HHAT: variants seen among roughly 807,000 people sequenced by gnomAD.
The protein encoded by HHAT is protein-cysteine N-palmitoyltransferase HHAT.
A neutral mutation model predicts 70.8 loss-of-function variants in HHAT; 47 were observed. The observed-to-expected ratio is 0.66, with a 90% CI of 0.53 to 0.85. HHAT has a LOEUF of 0.85. Among genes scored for constraint, HHAT ranks in the 40% least tolerant of loss-of-function variants. HHAT has a pLI of 0.00. For synonymous variants in HHAT, 228 were observed against 247.6 expected, an observed-to-expected ratio of 0.92 and a Z score of 0.74; for missense variants, 609 against 604.8, an observed-to-expected ratio of 1.01 and a Z score of -0.07.
intron 10 of HHAT, among the ~76,000 whole-genome samples, chr1:210,598,395 T>G (rs1049591137): frequency 3.3e-5 from 5 of 152,122 alleles, no homozygotes; most frequent in African/African-American, 1.2e-4. Context: ...GAGCAAAGTA[T>G]GAGGACTTGC....
chr1:210,445,447 A>AT (rs1284153896), intron 7 of HHAT, among the ~76,000 whole-genome samples: 14 of 152,170 alleles, frequency 9.2e-5, no homozygotes, highest in Non-Finnish European at 1.5e-4. Flanking sequence ...TTTAGAGTAT[A>AT]TTTTTTACTA....
chr1:210,642,956 A>G (rs1263913102), intron 11 of HHAT, among the ~76,000 whole-genome samples: 1 of 152,200 alleles, frequency 6.6e-6, no homozygotes, highest in Admixed American at 6.5e-5. Flanking sequence ...GTTATCTTCT[A>G]TTAGTAGAAG....
chr1:210,371,471 C>T (rs2089566614), intron 3 of HHAT, among the ~76,000 whole-genome samples: 1 of 152,148 alleles, frequency 6.6e-6, no homozygotes, highest in Non-Finnish European at 1.5e-5. Flanking sequence ...TTTCTTGCCC[C>T]TGACATTTTG....
chr1:210,567,608 G>T (rs1655087692), intron 9 of HHAT, among the ~76,000 whole-genome samples: 1 of 152,118 alleles, frequency 6.6e-6, no homozygotes, highest in Admixed American at 6.5e-5. Context: ...GTGATCATTT[G>T]TTTTACATTA....
chr1:210,502,402 A>AAAAAAAAAAAAC (rs59718459), intron 8 of HHAT, among the ~76,000 whole-genome samples: 1 of 151,190 alleles, frequency 6.6e-6, no homozygotes, highest in Non-Finnish European at 1.5e-5. Flanking sequence ...AAAAAAAAAA[A>AAAAAAAAAAAAC]TCTTTCCTAG....
At chr1:210,637,244 C>A (rs1003502536) in intron 11 of HHAT, among the ~76,000 whole-genome samples, 2 of 152,086 alleles carry the variant, frequency 1.3e-5, no homozygotes, top group African/African-American at 2.4e-5. Flanking sequence ...GGATCCATAT[C>A]TCACATCATA....
At position 210,610,345 on chromosome 1, in the gene HHAT, C is replaced by T. The variant is rs1224906869; in HGVS notation, c.1246-13181C>T. On this transcript the variant is annotated intron_variant, in intron 10 of 11. Coordinates refer to ENST00000261458, the MANE Select transcript of HHAT (RefSeq NM_018194.6). ...TTGAGAAGTGTCTTTCATGTCCTTT[C>T]CCTACTTTTTAATGGGGTTGCTTGT... Among the ~76,000 whole-genome samples, 5 of 150,700 alleles carry T rather than the reference C, an allele frequency of 3.3e-5. No homozygotes were observed. In the Admixed American group the frequency reaches 3.3e-4, roughly 10 times the overall value.
intron 8 of HHAT, among the ~76,000 whole-genome samples, chr1:210,496,010 C>CAAAAAAAAAAAA (rs10639399): frequency 5.1e-3 from 342 of 67,616 alleles, no homozygotes; most frequent in Middle Eastern, 0.014. Context: ...AACTCTATCT[C>CAAAAAAAAAAAA]AAAAAAAAAA....
intron 11 of HHAT, among the ~76,000 whole-genome samples, chr1:210,671,775 G>A (rs1468691438): frequency 6.6e-6 from 1 of 152,248 alleles, no homozygotes; most frequent in Non-Finnish European, 1.5e-5. Flanking sequence ...ACTAAGTTTG[G>A]TAAGTTGTTA....
chr1:210,605,943 A>C (rs1573671633), intron 10 of HHAT, among the ~76,000 whole-genome samples: 1 of 150,096 alleles, frequency 6.7e-6, no homozygotes, highest in Admixed American at 6.7e-5. Context: ...TGCAACCTCC[A>C]CCTCCCAGGT....
intron 8 of HHAT, among the ~76,000 whole-genome samples, chr1:210,496,933 A>G (rs2094656186): frequency 6.6e-6 from 1 of 152,206 alleles, no homozygotes; most frequent in Non-Finnish European, 1.5e-5. Flanking sequence ...TCTGCCAAGT[A>G]TATCTGCTGG....
intron 9 of HHAT, among the ~76,000 whole-genome samples, chr1:210,550,411 T>C (rs1293986774): frequency 6.7e-6 from 1 of 149,278 alleles, no homozygotes; most frequent in African/African-American, 2.5e-5. Context: ...GGGTAAGTTA[T>C]TTAAACTCCT....
chr1:210,329,174 G>GT, intron 1 of HHAT, 70 bp downstream of exon 1: 2 of 1,218,640 alleles, frequency 1.6e-6, no homozygotes, highest in Non-Finnish European at 2.1e-6. Flanking sequence ...AGTTTACTCT[G>GT]TTAAAAAAAA....
chr1:210,420,604 T>C (rs1189037718), intron 7 of HHAT, among the ~76,000 whole-genome samples: 1 of 151,936 alleles, frequency 6.6e-6, no homozygotes, highest in Non-Finnish European at 1.5e-5. Flanking sequence ...TGTATACATA[T>C]GTAGCTAACC....
At chr1:210,384,363 G>C (rs949087932) in intron 3 of HHAT, among the ~76,000 whole-genome samples, 1 of 152,142 alleles carries the variant, frequency 6.6e-6, no homozygotes, top group Non-Finnish European at 1.5e-5. Context: ...GGAATGGTAC[G>C]GGGCGGGCTG....
intron 8 of HHAT, among the ~76,000 whole-genome samples, chr1:210,491,395 G>C (rs552799299): frequency 2.0e-5 from 3 of 152,168 alleles, no homozygotes; most frequent in East Asian, 1.9e-4. Context: ...CTCCTATGAG[G>C]AGCAAGTTCA....
intron 7 of HHAT, among the ~76,000 whole-genome samples, chr1:210,451,737 CCTGA>C (rs768490097): frequency 4.6e-5 from 7 of 152,078 alleles, no homozygotes; most frequent in Non-Finnish European, 1.0e-4. Context: ...CATTACCATG[CCTGA>C]CTAATTTTTA....
At chr1:210,637,493 T>G (rs1672095460) in intron 11 of HHAT, among the ~76,000 whole-genome samples, 1 of 152,026 alleles carries the variant, frequency 6.6e-6, no homozygotes, top group Non-Finnish European at 1.5e-5. Context: ...ATGAGAAATT[T>G]TTGCAAATCA....
At chr1:210,566,283 T>A (rs1654727891) in intron 9 of HHAT, among the ~76,000 whole-genome samples, 1 of 152,138 alleles carries the variant, frequency 6.6e-6, no homozygotes, top group Admixed American at 6.5e-5. Flanking sequence ...GTTAAGCATA[T>A]AGGTTATCTA....
Sources: allele counts gnomAD v4.1 joint callset (sites outside exome capture counted in the v4.1 genomes callset), GRCh38; gene constraint gnomAD v4.1.1; transcripts MANE v1.5; gene names NCBI Gene and HGNC (gene_info 2026-07-23, HGNC 2026-07-21).